Variants in NECAB1 observed in about 807,000 individuals in gnomAD.
NECAB1 encodes the protein N-terminal EF-hand calcium-binding protein 1.
In NECAB1, 29 loss-of-function variants were observed where a neutral mutation model predicts 57.5. The ratio of observed to expected loss-of-function variants is 0.50; its 90% CI spans 0.38 to 0.69. The LOEUF is 0.69. NECAB1 is among the 30% of genes least tolerant of loss of function. The pLI, the probability that NECAB1 is intolerant of heterozygous loss-of-function variation, is 0.00. For synonymous variants in NECAB1, 142 were observed against 147.7 expected (o/e 0.96, Z 0.28); for missense variants, 372 against 413.8 (o/e 0.90, Z 0.88).
chr8:90,896,689 AAACTT>A (rs1175176550), intron 5 of NECAB1, among the ~76,000 whole-genome samples: 1 of 152,220 alleles, frequency 6.6e-6, no homozygotes, highest in Admixed American at 6.5e-5. Context: ...TTCTACTTTT[AAACTT>A]AACTTCCTCG....
At chr8:90,932,702 A>G (rs1376980800) in intron 8 of NECAB1, among the ~76,000 whole-genome samples, 1 of 152,242 alleles carries the variant, frequency 6.6e-6, no homozygotes, top group Admixed American at 6.5e-5. Context: ...CTAGAGCAAC[A>G]TAGCTCTATT....
chr8:90,891,466 T>C (rs1809166090), intron 5 of NECAB1, among the ~76,000 whole-genome samples: 1 of 152,050 alleles, frequency 6.6e-6, no homozygotes, highest in Admixed American at 6.5e-5. Context: ...TATATTTTTA[T>C]ATATTCTAGG....
chr8:90,842,838 G>A (rs1812476239), intron 3 of NECAB1, among the ~76,000 whole-genome samples: 1 of 152,206 alleles, frequency 6.6e-6, no homozygotes, highest in Admixed American at 6.5e-5. Flanking sequence ...TATGGGTAGT[G>A]CTAATGGTAC....
intron 12 of NECAB1, among the ~76,000 whole-genome samples, chr8:90,954,791 A>T (rs1035212789): frequency 6.7e-6 from 1 of 149,536 alleles, no homozygotes; most frequent in East Asian, 1.9e-4. Context: ...TATATGTATA[A>T]TAAATCACAC....
At chr8:90,917,992 A>G (rs931130152) in intron 6 of NECAB1, among the ~76,000 whole-genome samples, 1 of 97,336 alleles carries the variant, frequency 1.0e-5, no homozygotes, top group African/African-American at 5.4e-5. Flanking sequence ...ATATACATAT[A>G]TGTGTGTGTG....
chr8:90,805,485 A>C (rs1210434918), intron 2 of NECAB1, among the ~76,000 whole-genome samples: 1 of 150,874 alleles, frequency 6.6e-6, no homozygotes, highest in Non-Finnish European at 1.5e-5. Context: ...TATAATAATG[A>C]CATCTTGGAG....
intron 3 of NECAB1, among the ~76,000 whole-genome samples, chr8:90,844,078 T>C (rs1010723059): frequency 6.6e-6 from 1 of 152,224 alleles, no homozygotes; most frequent in Non-Finnish European, 1.5e-5. Context: ...ATTTCCATTT[T>C]AAGTCTTAAT....
In NECAB1 at chr8:90,823,494, C is replaced by T. The variant is rs539710984; in HGVS notation, c.125-1223C>T. ...AATAAAAATTCAAATTTCTTGTCTACCCACCCCTCCATGCCCTCTGTGAGA... is the reference window on the plus strand; with the variant it reads ...AATAAAAATTCAAATTTCTTGTCTATCCACCCCTCCATGCCCTCTGTGAGA... On this transcript the variant is annotated intron_variant, in intron 2 of 12. Transcript: ENST00000417640. 2.6e-5 allele frequency among the ~76,000 whole-genome samples: 4 copies of T among 151,818 alleles called. No individual in the cohort carries two copies. The South Asian group carries it at 8.3e-4, about 31-fold the overall frequency.
chr8:90,931,171 A>T (rs1810397069), intron 8 of NECAB1, among the ~76,000 whole-genome samples: 1 of 152,176 alleles, frequency 6.6e-6, no homozygotes, highest in Non-Finnish European at 1.5e-5. Flanking sequence ...ATGGGGCTCC[A>T]GCTGTGTGGA....
chr8:90,934,282 C>T (rs954370252), intron 8 of NECAB1, 22 bp from the exon 9 acceptor site: 15 of 1,496,256 alleles, frequency 1.0e-5, no homozygotes, highest in African/African-American at 8.5e-5. Context: ...TTCTTTTCTG[C>T]CATTTCTTCC....
intron 8 of NECAB1, among the ~76,000 whole-genome samples, chr8:90,934,079 A>C (rs1354323991): frequency 6.6e-6 from 1 of 152,180 alleles, no homozygotes; most frequent in Non-Finnish European, 1.5e-5. Context: ...ATTTAAAGCA[A>C]TACTTTGAAC....
At chr8:90,925,445 A>C in intron 6 of NECAB1, 90 bp from the exon 7 acceptor site, 1 of 1,449,874 alleles carries the variant, frequency 6.9e-7, no homozygotes, top group Non-Finnish European at 9.3e-7. Context: ...GCACTAGAAA[A>C]CCTTTATGAC....
chr8:90,883,152 G>A (rs1473802582), intron 5 of NECAB1, among the ~76,000 whole-genome samples: 1 of 152,044 alleles, frequency 6.6e-6, no homozygotes, highest in Non-Finnish European at 1.5e-5. Flanking sequence ...GGTTTCTTAA[G>A]TTACAAAATC....
chr8:90,953,931 T>C (rs1416548414), intron 12 of NECAB1, among the ~76,000 whole-genome samples: 1 of 151,962 alleles, frequency 6.6e-6, no homozygotes, highest in Non-Finnish European at 1.5e-5. Context: ...TAGCCAGGCA[T>C]GGTGGTGCAT....
Position 90,956,791 on chromosome 8 carries a change from T to C in NECAB1, c.*1279T>C, listed in dbSNP as rs1197559990. The C allele has an allele frequency of 6.6e-6, 1 of 152,468 alleles. No homozygotes were observed. 9.4% of individuals were successfully genotyped at this position (152,468 alleles called of 1,614,324 possible). ...TTATTTCTTAAATATAAATTTGACC[T>C]AAAATATTTTCTCAAACTAATTCAT... is the stretch of plus-strand genomic sequence containing the variant. On this transcript the variant is annotated 3_prime_UTR_variant, in exon 13 of 13. Transcript: ENST00000417640.
chr8:90,838,196 C>T (rs1409330923), intron 3 of NECAB1, among the ~76,000 whole-genome samples: 1 of 152,114 alleles, frequency 6.6e-6, no homozygotes, highest in Non-Finnish European at 1.5e-5. Flanking sequence ...CTTCACTTTA[C>T]ATCATTGATA....
chr8:90,894,893 A>G (rs1316138847), intron 5 of NECAB1, among the ~76,000 whole-genome samples: 1 of 152,212 alleles, frequency 6.6e-6, no homozygotes, highest in Non-Finnish European at 1.5e-5. Context: ...TAAACAGATA[A>G]TAAGTGTAAG....
intron 8 of NECAB1, among the ~76,000 whole-genome samples, chr8:90,929,396 A>G (rs930672822): frequency 2.6e-5 from 4 of 152,236 alleles, no homozygotes; most frequent in Admixed American, 2.6e-4. Context: ...AGAATATGGA[A>G]GTACTCACAG....
chr8:90,852,152 C>A (rs1812696150), intron 3 of NECAB1, among the ~76,000 whole-genome samples: 1 of 152,082 alleles, frequency 6.6e-6, no homozygotes, highest in Non-Finnish European at 1.5e-5. Flanking sequence ...GGGATAAATA[C>A]CTGATTTCAC....
Sources: allele counts gnomAD v4.1 joint callset (sites outside exome capture counted in the v4.1 genomes callset), GRCh38; gene constraint gnomAD v4.1.1; transcripts MANE v1.5; gene names NCBI Gene and HGNC (gene_info 2026-07-23, HGNC 2026-07-21).